The following CDH4 variants were observed in gnomAD, a reference collection of about 807,000 sequenced individuals.
CDH4 encodes cadherin 4, also known as cadherin-4.
CDH4 carries 33 observed loss-of-function variants against 86.0 expected under a neutral mutation model. The observed-to-expected ratio is 0.38, with a 90% CI of 0.29 to 0.51. The LOEUF (loss-of-function observed/expected upper bound fraction) is 0.51. CDH4 is among the 20% of genes least tolerant of loss of function. CDH4 has a pLI of 0.86. For synonymous variants in CDH4, 555 were observed against 549.4 expected (o/e 1.01, Z -0.14); for missense variants, 1,114 against 1,307.4 (o/e 0.85, Z 2.28).
intron 2 of CDH4, among the ~76,000 whole-genome samples, chr20:61,350,792 T>C (rs973932440): frequency 3.9e-5 from 6 of 152,224 alleles, no homozygotes; most frequent in African/African-American, 1.2e-4. Context: ...GCCACTCTTA[T>C]GGGAAAGATG....
intron 4 of CDH4, among the ~76,000 whole-genome samples, chr20:61,804,520 G>A (rs765520419): frequency 2.6e-5 from 4 of 152,202 alleles, no homozygotes; most frequent in African/African-American, 4.8e-5. Context: ...CACACCGAAA[G>A]CACTCAGTCC....
At chr20:61,333,392 T>C (rs6101319) in intron 2 of CDH4, among the ~76,000 whole-genome samples, 120,206 of 152,124 alleles carry the variant, frequency 0.79, 48,131 homozygotes, top group African/African-American at 0.93. Context: ...GGGGTGCGGG[T>C]TGTCAATGTG....
chr20:61,432,509 C>T (rs531619963), intron 2 of CDH4, among the ~76,000 whole-genome samples: 17 of 151,920 alleles, frequency 1.1e-4, no homozygotes, highest in South Asian at 4.2e-4. Flanking sequence ...GGGTTGTAAA[C>T]GTTTGTTTAT....
chr20:61,327,939 A>G (rs1260855917), intron 2 of CDH4, among the ~76,000 whole-genome samples: 1 of 152,170 alleles, frequency 6.6e-6, no homozygotes, highest in African/African-American at 2.4e-5. Flanking sequence ...TTGGTCAATA[A>G]CGGATCTTAA....
chr20:61,536,508 G>C (rs1321331261), intron 2 of CDH4, among the ~76,000 whole-genome samples: 3 of 152,048 alleles, frequency 2.0e-5, no homozygotes, highest in African/African-American at 7.2e-5. Flanking sequence ...CGTGGGCATT[G>C]ATAACCCACG....
At chr20:61,439,732 C>T (rs978689683) in intron 2 of CDH4, among the ~76,000 whole-genome samples, 2 of 152,372 alleles carry the variant, frequency 1.3e-5, no homozygotes, top group African/African-American at 4.8e-5. Context: ...GCATAAGCCC[C>T]TCCCTCTGAT....
At chr20:61,726,133 G>C (rs1469472437) in intron 2 of CDH4, among the ~76,000 whole-genome samples, 1 of 152,252 alleles carries the variant, frequency 6.6e-6, no homozygotes, top group South Asian at 2.1e-4. Context: ...AGTCTCGGGG[G>C]GGACTGTGGT....
chr20:61,317,165 TGAG>T (rs1230760417), intron 2 of CDH4, among the ~76,000 whole-genome samples: 1 of 151,980 alleles, frequency 6.6e-6, no homozygotes, highest in Non-Finnish European at 1.5e-5. Flanking sequence ...GATCACGAGG[TGAG>T]GAGATCAAGA....
chr20:61,297,368 G>A lies in CDH4; in HGVS notation c.169+42431G>A, dbSNP rs181616035. Reference sequence around the variant, plus strand: ...CGCGCCATTGTACTCCAGCCTGGACGACAAGAGCGAAACTCCATCTCAAAA... The same window carrying A: ...CGCGCCATTGTACTCCAGCCTGGACAACAAGAGCGAAACTCCATCTCAAAA... On this transcript the variant is annotated intron_variant, in intron 2 of 15. Coordinates refer to ENST00000614565, the MANE Select transcript of CDH4 (RefSeq NM_001794.5). Among the ~76,000 whole-genome samples the A allele has an allele frequency of 3.4e-3, 511 of 152,258 alleles. 3 individuals carry two copies. The highest frequency in any genetic ancestry group is 0.011 in the African/African-American group (472 of 41,550).
chr20:61,821,779 A>G (rs147536211), intron 4 of CDH4, among the ~76,000 whole-genome samples: 22 of 152,326 alleles, frequency 1.4e-4, no homozygotes, highest in African/African-American at 4.8e-4. Context: ...ATCCAGCTCA[A>G]TTTTACAACC....
At chr20:61,604,871 A>T (rs2086630572) in intron 2 of CDH4, among the ~76,000 whole-genome samples, 2 of 151,984 alleles carry the variant, frequency 1.3e-5, no homozygotes, top group African/African-American at 4.8e-5. Context: ...GGACCCTGGT[A>T]TAATTTGAGG....
intron 3 of CDH4, among the ~76,000 whole-genome samples, chr20:61,760,549 C>T (rs1192839684): frequency 1.3e-5 from 2 of 152,380 alleles, no homozygotes; most frequent in East Asian, 3.9e-4. Flanking sequence ...TGCAACCTCC[C>T]TGGGTAAAAA....
At chr20:61,657,140 G>A (rs2087200950) in intron 2 of CDH4, among the ~76,000 whole-genome samples, 1 of 152,218 alleles carries the variant, frequency 6.6e-6, no homozygotes, top group South Asian at 2.1e-4. Context: ...CCACCCAGAG[G>A]GATCATCCCT....
intron 2 of CDH4, among the ~76,000 whole-genome samples, chr20:61,403,649 T>C (rs1298585185): frequency 6.6e-6 from 1 of 152,200 alleles, no homozygotes; most frequent in African/African-American, 2.4e-5. Flanking sequence ...TGCGGCATTA[T>C]TCTCCAGAAG....
chr20:61,569,249 C>T (rs1329399369), intron 2 of CDH4, among the ~76,000 whole-genome samples: 2 of 152,238 alleles, frequency 1.3e-5, no homozygotes, highest in Admixed American at 6.5e-5. Flanking sequence ...TTCCAGAACA[C>T]TGCACTGCAC....
intron 2 of CDH4, among the ~76,000 whole-genome samples, chr20:61,640,481 G>A (rs1185598319): frequency 2.0e-5 from 3 of 152,082 alleles, no homozygotes; most frequent in Admixed American, 6.5e-5. Context: ...GCCTATGAGG[G>A]GGCTGCTGCT....
chr20:61,866,516 C>T (rs1568857206), intron 6 of CDH4, among the ~76,000 whole-genome samples: 2 of 152,192 alleles, frequency 1.3e-5, no homozygotes, highest in African/African-American at 4.8e-5. Flanking sequence ...AGCTTTTGCA[C>T]ATTTGACATG....
intron 4 of CDH4, among the ~76,000 whole-genome samples, chr20:61,806,679 C>G (rs1980155226): frequency 6.6e-6 from 1 of 152,184 alleles, no homozygotes; most frequent in African/African-American, 2.4e-5. Context: ...CTCACCTTTC[C>G]CTTGGGGCTG....
intron 6 of CDH4, among the ~76,000 whole-genome samples, chr20:61,857,827 A>G (rs1316055375): frequency 6.6e-6 from 1 of 152,220 alleles, no homozygotes; most frequent in Non-Finnish European, 1.5e-5. Flanking sequence ...TGACCTTCGT[A>G]CCGGCCACAG....
Sources: allele counts gnomAD v4.1 joint callset (sites outside exome capture counted in the v4.1 genomes callset), GRCh38; gene constraint gnomAD v4.1.1; transcripts MANE v1.5; gene names NCBI Gene and HGNC (gene_info 2026-07-23, HGNC 2026-07-21).